Variants in DCC observed in about 807,000 individuals in gnomAD.
The protein encoded by DCC is netrin receptor DCC.
A neutral mutation model predicts 172.5 loss-of-function variants in DCC; 58 were observed. That is an observed-to-expected ratio of 0.34 (90% CI 0.27 to 0.42). The LOEUF is 0.42. Ranked by LOEUF, DCC falls within the 10% of genes least tolerant of loss-of-function variation. The pLI is 1.00. For missense variants in DCC, 1,740 were observed against 1,791.0 expected, an observed-to-expected ratio of 0.97 and a Z score of 0.51; for synonymous variants, 709 against 644.5, an observed-to-expected ratio of 1.10 and a Z score of -1.52.
At chr18:52,498,851 A>T (rs1035442438) in intron 1 of DCC, among the ~76,000 whole-genome samples, 3 of 151,802 alleles carry the variant, frequency 2.0e-5, no homozygotes, top group Non-Finnish European at 4.4e-5. Context: ...AGGATTAGAG[A>T]CCCACTCTCA....
At chr18:52,910,353 C>T (rs912656421) in intron 3 of DCC, among the ~76,000 whole-genome samples, 5 of 151,980 alleles carry the variant, frequency 3.3e-5, no homozygotes, top group Admixed American at 3.3e-4. Context: ...TTATCTCTTC[C>T]AGATTAAGAT....
At chr18:53,452,533 T>C (rs2045427041) in intron 23 of DCC, among the ~76,000 whole-genome samples, 1 of 152,044 alleles carries the variant, frequency 6.6e-6, no homozygotes, top group Non-Finnish European at 1.5e-5. Flanking sequence ...GTTGAGAAAA[T>C]CTCCAGTCAT....
At chr18:53,220,730 G>A (rs1210250133) in intron 12 of DCC, among the ~76,000 whole-genome samples, 2 of 152,082 alleles carry the variant, frequency 1.3e-5, no homozygotes, top group Non-Finnish European at 2.9e-5. Flanking sequence ...ATTTGCCCTA[G>A]TTATCCATCC....
chr18:53,338,608 A>G (rs984712799), intron 14 of DCC, among the ~76,000 whole-genome samples: 2 of 152,208 alleles, frequency 1.3e-5, no homozygotes, highest in African/African-American at 4.8e-5. Context: ...CTCAACAAAT[A>G]AATAAATATT....
intron 1 of DCC, among the ~76,000 whole-genome samples, chr18:52,482,165 A>G (rs190679031): frequency 6.6e-6 from 1 of 152,114 alleles, no homozygotes; most frequent in Non-Finnish European, 1.5e-5. Flanking sequence ...TTGCACATGC[A>G]CTCACTTCCA....
At chr18:53,143,294 T>C (rs756665001) in intron 7 of DCC, among the ~76,000 whole-genome samples, 9 of 152,224 alleles carry the variant, frequency 5.9e-5, no homozygotes, top group African/African-American at 1.4e-4. Context: ...AATTATCTAA[T>C]ACAACTCTAG....
chr18:52,923,638 A>C, intron 3 of DCC, 69 bp from the exon 4 acceptor site: 5 of 1,277,894 alleles, frequency 3.9e-6, no homozygotes, highest in Non-Finnish European at 5.7e-6. Context: ...TAGGAAAAAA[A>C]TCAAAATATA....
At chr18:52,976,099 C>T (rs144868177) in intron 5 of DCC, among the ~76,000 whole-genome samples, 3 of 152,178 alleles carry the variant, frequency 2.0e-5, no homozygotes, top group Admixed American at 6.5e-5. Context: ...TTCCATTTCT[C>T]TAATGATCAG....
chr18:52,412,109 A>G (rs1329150658), intron 1 of DCC, among the ~76,000 whole-genome samples: 1 of 152,184 alleles, frequency 6.6e-6, no homozygotes, highest in Non-Finnish European at 1.5e-5. Context: ...TGCAATGTAT[A>G]ATGACATTTA....
rs150868327 is a variant in DCC, at chr18:53,332,371, A to C, written c.2165-7342A>C. Among the ~76,000 whole-genome samples, 7 of 152,330 alleles carry C rather than the reference A, an allele frequency of 4.6e-5. No homozygotes were observed. The East Asian group carries it at 1.2e-3, about 25-fold the overall frequency. ...TATTAAAAGTAAACAAAAAGACAAA[A>C]TGCAGTTAAAAATTACAAAACAATG... is the stretch of plus-strand genomic sequence containing the variant. On this transcript the variant is annotated intron_variant, in intron 14 of 28. Transcript: ENST00000442544.
chr18:52,956,895 C>G (rs2040753504), intron 5 of DCC, among the ~76,000 whole-genome samples: 1 of 152,084 alleles, frequency 6.6e-6, no homozygotes, highest in Non-Finnish European at 1.5e-5. Flanking sequence ...TTAGAATGGA[C>G]TTCAATGAAA....
rs930081170 is a variant in DCC, at chr18:53,416,028, A to G, written c.3131-96A>G. The G allele has an allele frequency of 9.7e-5, 87 of 897,938 alleles. No individual in the cohort carries two copies. The African/African-American group carries it at 1.3e-3, about 13-fold the overall frequency. 55.6% of individuals were successfully genotyped at this position (897,938 alleles called of 1,614,324 possible). A position where few individuals can be genotyped will look rare whatever the true frequency, so the allele number is the denominator to read the frequency against. ...ATTTCAAGAGGGCACTAGCTTTGAA[A>G]TAAAAACTTACTAAAAAGAACTGTT... On this transcript the variant is annotated intron_variant, in intron 20 of 28. Coordinates refer to ENST00000442544, the MANE Select transcript of DCC (RefSeq NM_005215.4).
intron 2 of DCC, among the ~76,000 whole-genome samples, chr18:52,792,645 G>A (rs766964667): frequency 7.2e-5 from 11 of 152,104 alleles, no homozygotes; most frequent in Non-Finnish European, 1.5e-4. Flanking sequence ...TGTGACATCC[G>A]AGTCTTTAAG....
At chr18:52,502,933 T>C (rs1315705195) in intron 1 of DCC, among the ~76,000 whole-genome samples, 1 of 152,230 alleles carries the variant, frequency 6.6e-6, no homozygotes, top group Non-Finnish European at 1.5e-5. Context: ...GTCTTGCTAA[T>C]ATTTGCCTTT....
chr18:52,861,305 C>T (rs1439046444), intron 2 of DCC, among the ~76,000 whole-genome samples: 1 of 152,114 alleles, frequency 6.6e-6, no homozygotes, highest in Non-Finnish European at 1.5e-5. Context: ...TTTTTATTGG[C>T]TCTATAAAGT....
At chr18:53,259,528 G>A (rs541522155) in intron 12 of DCC, among the ~76,000 whole-genome samples, 6 of 152,310 alleles carry the variant, frequency 3.9e-5, no homozygotes, top group Non-Finnish European at 5.9e-5. Context: ...TAAGAATGTT[G>A]AATATTGGCC....
chr18:53,286,008 A>G (rs1412175169), intron 12 of DCC, among the ~76,000 whole-genome samples: 1 of 152,166 alleles, frequency 6.6e-6, no homozygotes, highest in Non-Finnish European at 1.5e-5. Flanking sequence ...TCCCTCTTGT[A>G]TCTAGGAAGT....
At chr18:52,620,949 C>T (rs1204158744) in intron 1 of DCC, among the ~76,000 whole-genome samples, 1 of 152,096 alleles carries the variant, frequency 6.6e-6, no homozygotes, top group East Asian at 1.9e-4. Flanking sequence ...GAGACTTTCC[C>T]CAGAGGTATT....
intron 9 of DCC, among the ~76,000 whole-genome samples, chr18:53,184,900 G>T (rs1266074976): frequency 2.0e-5 from 3 of 152,128 alleles, no homozygotes; most frequent in African/African-American, 7.2e-5. Flanking sequence ...GCTCTGTCTA[G>T]CTCATTACTT....
Sources: allele counts gnomAD v4.1 joint callset (sites outside exome capture counted in the v4.1 genomes callset), GRCh38; gene constraint gnomAD v4.1.1; transcripts MANE v1.5; gene names NCBI Gene and HGNC (gene_info 2026-07-23, HGNC 2026-07-21).